PSTPIP1: variants seen among roughly 807,000 people sequenced by gnomAD.
The protein encoded by PSTPIP1 is proline-serine-threonine phosphatase-interacting protein 1.
Under a neutral mutation model 69.6 loss-of-function variants are expected in PSTPIP1, and 66 were observed. That is an observed-to-expected ratio of 0.95 (90% CI 0.78 to 1.16). PSTPIP1 has a LOEUF of 1.16. Among genes scored for constraint, PSTPIP1 ranks in the 50% most tolerant of loss-of-function variants. PSTPIP1 has a pLI of 0.00. For missense variants in PSTPIP1, 603 were observed against 557.4 expected, an observed-to-expected ratio of 1.08 and a Z score of -0.82; for synonymous variants, 266 against 222.7, an observed-to-expected ratio of 1.19 and a Z score of -1.73.
intron 3 of PSTPIP1, among the ~76,000 whole-genome samples, chr15:77,019,663 C>T (rs969580241): frequency 1.3e-5 from 2 of 152,282 alleles, no homozygotes; most frequent in African/African-American, 2.4e-5. Flanking sequence ...CTAGCCTCTC[C>T]AAGTTTGTTT....
At chr15:77,000,621 C>T (rs2075687766) in intron 1 of PSTPIP1, among the ~76,000 whole-genome samples, 1 of 152,128 alleles carries the variant, frequency 6.6e-6, no homozygotes, top group Non-Finnish European at 1.5e-5. Context: ...CACACAACTG[C>T]TAATATTATG....
At chr15:77,009,403 A>G (rs2075887413) in intron 1 of PSTPIP1, among the ~76,000 whole-genome samples, 1 of 152,180 alleles carries the variant, frequency 6.6e-6, no homozygotes, top group Admixed American at 6.5e-5. Flanking sequence ...CACCTACAGC[A>G]AATCACAGCC....
Position 77,036,950 on chromosome 15 carries a change from G to A in PSTPIP1, c.1120-95G>A, listed in dbSNP as rs1052622539. 8.7e-5 allele frequency: 131 copies of A among 1,512,154 alleles called. No individual in the cohort carries two copies. The Admixed American group carries it at 1.0e-3, about 12-fold the overall frequency. The allele number at this position is 1,512,154 out of a possible 1,614,324, so 93.7% of individuals were successfully genotyped here. A position where few individuals can be genotyped will look rare whatever the true frequency, so the allele number is the denominator to read the frequency against. On this transcript the variant is annotated intron_variant, in intron 14 of 14. Coordinates refer to ENST00000558012, the MANE Select transcript of PSTPIP1 (RefSeq NM_003978.5). Reference sequence around the variant, plus strand: ...CCCTGCCCACCCTGGGAGACATGCCGCATTTACTGCTGGGTGGGGGAACGC... The same window carrying A: ...CCCTGCCCACCCTGGGAGACATGCCACATTTACTGCTGGGTGGGGGAACGC...
chr15:77,007,291 C>T (rs552764913), intron 1 of PSTPIP1, among the ~76,000 whole-genome samples: 6 of 152,312 alleles, frequency 3.9e-5, no homozygotes, highest in East Asian at 3.9e-4. Flanking sequence ...ATGTCTGTCC[C>T]GGCCTCAGCT....
In PSTPIP1 at chr15:77,037,203, T is replaced by G. The variant is rs762963981; in HGVS notation, c.*27T>G. ...GAAGGGCCAGGAGCCCCTTCGGACC[T>G]GCCCTGCCAGTGGAGCCAGCAGTGC... On this transcript the variant is annotated 3_prime_UTR_variant, in exon 15 of 15. Coordinates refer to ENST00000558012, the MANE Select transcript of PSTPIP1 (RefSeq NM_003978.5). 6.4e-7 allele frequency: 1 copy of G among 1,567,318 alleles called. No individual in the cohort carries two copies. Among genetic ancestry groups the G allele is most frequent in the East Asian group, 2.4e-5 (1 of 42,090 alleles).
rs2152691941 is a variant in PSTPIP1, at chr15:77,035,790, C to T, written c.986-12C>T. The T allele has an allele frequency of 6.2e-7, 1 of 1,603,608 alleles. No individual in the cohort carries two copies. Among genetic ancestry groups the T allele is most frequent in the Non-Finnish European group, 8.5e-7 (1 of 1,178,606 alleles). ...CAGAAGGGGAGGGGTCTATGTCTCACCCTGCTCTTAGCGTCCACAGAGACC... is the reference window on the plus strand; with the variant it reads ...CAGAAGGGGAGGGGTCTATGTCTCATCCTGCTCTTAGCGTCCACAGAGACC... On this transcript the variant is annotated splice_polypyrimidine_tract_variant and intron_variant, in intron 13 of 14. Transcript: ENST00000558012.
intron 9 of PSTPIP1, 44 bp downstream of exon 9, chr15:77,030,625 G>A: frequency 1.9e-6 from 3 of 1,547,240 alleles, no homozygotes; most frequent in Non-Finnish European, 2.6e-6. Context: ...GCTGGGAAGT[G>A]TGAGACGCCC....
intron 1 of PSTPIP1, chr15:76,999,658 G>A (rs1234972905): frequency 6.6e-6 from 1 of 152,198 alleles, no homozygotes; most frequent in Non-Finnish European, 1.5e-5. Context: ...GGACCCCTGA[G>A]CTTCTTCACC....
chr15:76,999,041 A>T (rs1203310415), intron 1 of PSTPIP1, among the ~76,000 whole-genome samples: 1 of 152,218 alleles, frequency 6.6e-6, no homozygotes, highest in Admixed American at 6.5e-5. Context: ...GCACTGGCCT[A>T]GCACTGAGTC....
At chr15:77,006,664 G>A (rs1027978921) in intron 1 of PSTPIP1, among the ~76,000 whole-genome samples, 1 of 152,120 alleles carries the variant, frequency 6.6e-6, no homozygotes, top group Non-Finnish European at 1.5e-5. Context: ...TTTTGCATGT[G>A]GATATCCAGT....
chr15:76,996,982 C>T (rs776250362), intron 1 of PSTPIP1, among the ~76,000 whole-genome samples: 5 of 152,196 alleles, frequency 3.3e-5, no homozygotes, highest in Non-Finnish European at 7.4e-5. Context: ...AGGCCAGGAC[C>T]CCTTGACTAT....
At position 77,037,133 on chromosome 15, in the gene PSTPIP1, G is replaced by A. The variant is rs201572812; in HGVS notation, c.1208G>A (p.Gly403Glu). 752 of 1,612,012 alleles carry A rather than the reference G, an allele frequency of 4.7e-4. 3 individuals carry two copies. The highest frequency in any genetic ancestry group is 5.9e-4 in the Non-Finnish European group (699 of 1,179,670). ...EDGWWTVERNGQRGFVPGSYL... is the reference protein window; with the variant it reads ...EDGWWTVERNEQRGFVPGSYL... ...GGCTGGTGGACTGTGGAGAGGAACG[G>A]GCAGCGTGGCTTCGTCCCTGGTTCC... The change falls in exon 15 of 15, where the codon GGG (glycine) becomes GAG (glutamate). Residue 403 changes from glycine (G) to glutamate (E), a missense_variant. By Grantham distance (98) the Gly-to-Glu change is moderately conservative. Coordinates refer to ENST00000558012, the MANE Select transcript of PSTPIP1 (RefSeq NM_003978.5).
At chr15:77,029,435 G>A in intron 7 of PSTPIP1, 94 bp from the exon 8 acceptor site, 4 of 1,423,740 alleles carry the variant, frequency 2.8e-6, no homozygotes, top group South Asian at 2.5e-5. Context: ...CCCCCAGGGT[G>A]GCCGGGGAAG....
At chr15:76,999,444 A>G (rs2075650657) in intron 1 of PSTPIP1, 1 of 151,922 alleles carries the variant, frequency 6.6e-6, no homozygotes, top group Admixed American at 6.6e-5. Flanking sequence ...ACGTCTGTCT[A>G]ATTTTTGTAT....
Position 77,018,491 on chromosome 15 carries a change from G to T in PSTPIP1, c.172G>T (p.Val58Leu), listed in dbSNP as rs1372574257. The T allele has an allele frequency of 1.6e-5, 25 of 1,583,688 alleles. No homozygotes were observed. The highest frequency in any genetic ancestry group is 5.4e-5 in the Admixed American group (3 of 55,132). ...GGAGGAGCGGTACGGGAAGGAGCTG[G>T]TGCAGATCGCACGGAAGGCAGGTGG... ...QAEERYGKEL[V>L]QIARKAGGQT... Residue 58 changes from valine to leucine, a missense_variant, in exon 3 of 15, where the codon GTG (valine) becomes TTG (leucine). Val to Leu is a conservative substitution (Grantham distance 32). Transcript: ENST00000558012.
Position 76,995,515 on chromosome 15 carries a change from C to A in PSTPIP1, c.-59C>A, listed in dbSNP as rs1288058018. The A allele has an allele frequency of 1.9e-6, 3 of 1,613,006 alleles. No homozygotes were observed. The highest frequency in any genetic ancestry group is 1.7e-5 in the Admixed American group (1 of 59,996). ...CTGGGACGCTGCTGCTGGCGCCTGG[C>A]CCTCCATCAGGCCAGCCTGTGGCAG... is the stretch of plus-strand genomic sequence containing the variant. On this transcript the variant is annotated 5_prime_UTR_variant, in exon 1 of 15. Coordinates refer to ENST00000558012, the MANE Select transcript of PSTPIP1 (RefSeq NM_003978.5).
At position 77,037,265 on chromosome 15, in the gene PSTPIP1, C is replaced by T; in HGVS notation, c.*89C>T. On this transcript the variant is annotated 3_prime_UTR_variant, in exon 15 of 15. Transcript: ENST00000558012. ...TCCCCACCTTGCTAGGGCCCAGAAC[C>T]AAGCGTCCCCCAGCCCCGAGAGGGA... 1 of 1,486,518 alleles carries T rather than the reference C, an allele frequency of 6.7e-7. No individual in the cohort carries two copies. Among genetic ancestry groups the T allele is most frequent in the South Asian group, 1.2e-5 (1 of 80,810 alleles). The allele number at this position is 1,486,518 out of a possible 1,614,324, so 92.1% of individuals were successfully genotyped here.
At position 77,031,390 on chromosome 15, in the gene PSTPIP1, T is replaced by C. The variant is rs1264762147; in HGVS notation, c.741+112T>C. 8 of 1,212,926 alleles carry C rather than the reference T, an allele frequency of 6.6e-6. No individual in the cohort carries two copies. In the Admixed American group the frequency reaches 1.4e-4, roughly 22 times the overall value. The allele number at this position is 1,212,926 out of a possible 1,614,324, so 75.1% of individuals were successfully genotyped here. A position where few individuals can be genotyped will look rare whatever the true frequency, so the allele number is the denominator to read the frequency against. Reference sequence around the variant, plus strand: ...CACCTGGTCCTCTGTGATCCAAGCCTGGCCCCAGGGGTCTCAGGCCTCAGC... The same window carrying C: ...CACCTGGTCCTCTGTGATCCAAGCCCGGCCCCAGGGGTCTCAGGCCTCAGC... On this transcript the variant is annotated intron_variant, in intron 10 of 14. Coordinates refer to ENST00000558012, the MANE Select transcript of PSTPIP1 (RefSeq NM_003978.5).
chr15:77,002,409 G>T (rs2075728929), intron 1 of PSTPIP1, among the ~76,000 whole-genome samples: 1 of 152,184 alleles, frequency 6.6e-6, no homozygotes, highest in Admixed American at 6.5e-5. Context: ...CTAATTTTCT[G>T]CAAGTCAATA....
Sources: allele counts gnomAD v4.1 joint callset (sites outside exome capture counted in the v4.1 genomes callset), GRCh38; gene constraint gnomAD v4.1.1; transcripts MANE v1.5; gene names NCBI Gene and HGNC (gene_info 2026-07-23, HGNC 2026-07-21).